LHFPL6: variants seen among roughly 807,000 people sequenced by gnomAD.
The protein encoded by LHFPL6 is LHFPL tetraspan subfamily member 6 protein.
In LHFPL6, 9 loss-of-function variants were observed where a neutral mutation model predicts 20.6. The ratio of observed to expected loss-of-function variants is 0.44; its 90% CI spans 0.26 to 0.76. The LOEUF is 0.76. Ranked by LOEUF, LHFPL6 falls within the 30% of genes least tolerant of loss-of-function variation. The probability of loss-of-function intolerance (pLI) is 0.20; values close to 1 mark genes in which losing one functional copy is unlikely to be tolerated. For synonymous variants in LHFPL6, 105 were observed against 98.7 expected, an observed-to-expected ratio of 1.06 and a Z score of -0.38; for missense variants, 218 against 253.5, an observed-to-expected ratio of 0.86 and a Z score of 0.95.
intron 2 of LHFPL6, among the ~76,000 whole-genome samples, chr13:39,589,158 G>A (rs1168520834): frequency 6.6e-6 from 1 of 152,100 alleles, no homozygotes; most frequent in East Asian, 1.9e-4. Flanking sequence ...CCAGGGTGGA[G>A]TGCAGTGGCG....
At chr13:39,601,420 T>C (rs1872943629) in intron 1 of LHFPL6, 30 bp from the exon 2 acceptor site, 1 of 477,462 alleles carries the variant, frequency 2.1e-6, no homozygotes, top group Non-Finnish European at 3.7e-6. Context: ...CATTAAAAAT[T>C]AAAGGCATTA....
At chr13:39,378,024 G>A (rs1479385285) in intron 3 of LHFPL6, among the ~76,000 whole-genome samples, 1 of 152,160 alleles carries the variant, frequency 6.6e-6, no homozygotes, top group Non-Finnish European at 1.5e-5. Context: ...TTAGACCAAC[G>A]ATGTGAAATT....
intron 2 of LHFPL6, among the ~76,000 whole-genome samples, chr13:39,446,969 G>T (rs1872308249): frequency 6.6e-6 from 1 of 152,168 alleles, no homozygotes; most frequent in African/African-American, 2.4e-5. Flanking sequence ...TCGACCTTAA[G>T]CTCTCTAGAG....
At chr13:39,471,799 G>T (rs534475166) in intron 2 of LHFPL6, among the ~76,000 whole-genome samples, 10 of 152,272 alleles carry the variant, frequency 6.6e-5, no homozygotes, top group African/African-American at 2.2e-4. Context: ...ATTTATTCTT[G>T]TAGGAAAAAG....
At chr13:39,436,468 T>C (rs1871960769) in intron 2 of LHFPL6, among the ~76,000 whole-genome samples, 2 of 152,234 alleles carry the variant, frequency 1.3e-5, no homozygotes, top group Admixed American at 1.3e-4. Context: ...GAAACATCTC[T>C]TCCTTTTTCA....
At chr13:39,597,177 C>T (rs955418215) in intron 2 of LHFPL6, among the ~76,000 whole-genome samples, 1 of 152,146 alleles carries the variant, frequency 6.6e-6, no homozygotes, top group Non-Finnish European at 1.5e-5. Context: ...ATATGACTAA[C>T]GATCAAACTA....
At chr13:39,359,859 T>C (rs930593359) in intron 3 of LHFPL6, among the ~76,000 whole-genome samples, 2 of 152,166 alleles carry the variant, frequency 1.3e-5, no homozygotes, top group African/African-American at 4.8e-5. Flanking sequence ...ACCTGTTCTG[T>C]TATTTATTAT....
chr13:39,587,336 T>A (rs764108870), intron 2 of LHFPL6, among the ~76,000 whole-genome samples: 1 of 152,122 alleles, frequency 6.6e-6, no homozygotes, highest in Non-Finnish European at 1.5e-5. Flanking sequence ...TTTGAGGACT[T>A]GATGTTCCCC....
chr13:39,599,885 A>C (rs1249041781), intron 2 of LHFPL6, among the ~76,000 whole-genome samples: 5 of 152,220 alleles, frequency 3.3e-5, no homozygotes, highest in African/African-American at 1.2e-4. Context: ...ACAGACCTTT[A>C]CTTTGTAATG....
intron 2 of LHFPL6, among the ~76,000 whole-genome samples, chr13:39,557,489 A>T (rs1353478707): frequency 3.3e-5 from 5 of 152,234 alleles, no homozygotes; most frequent in Non-Finnish European, 5.9e-5. Flanking sequence ...TTGGAACCCC[A>T]GTACACAGTC....
chr13:39,458,692 C>T, intron 2 of LHFPL6, among the ~76,000 whole-genome samples: 2 of 129,310 alleles, frequency 1.5e-5, no homozygotes, highest in South Asian at 2.5e-4. Flanking sequence ...AATACCCTGC[C>T]TAAAAAAAAA....
chr13:39,398,283 G>C (rs868195144), intron 2 of LHFPL6, among the ~76,000 whole-genome samples: 3 of 152,186 alleles, frequency 2.0e-5, no homozygotes, highest in African/African-American at 7.2e-5. Context: ...GGAACTTCCT[G>C]GATGTTACAT....
chr13:39,386,585 T>A (rs1870569080), intron 2 of LHFPL6, among the ~76,000 whole-genome samples: 1 of 152,186 alleles, frequency 6.6e-6, no homozygotes, highest in South Asian at 2.1e-4. Context: ...AGTCACACAC[T>A]CACCACCCAT....
chr13:39,574,289 T>C (rs1028064618), intron 2 of LHFPL6, among the ~76,000 whole-genome samples: 3 of 152,110 alleles, frequency 2.0e-5, no homozygotes, highest in East Asian at 1.9e-4. Flanking sequence ...AAGATCATCC[T>C]GGCTAACATG....
At chr13:39,479,030 T>TGG (rs1868403696) in intron 2 of LHFPL6, among the ~76,000 whole-genome samples, 1 of 127,906 alleles carries the variant, frequency 7.8e-6, no homozygotes, top group Admixed American at 8.0e-5. Flanking sequence ...CAATGGGAGA[T>TGG]AGATATAGAT....
At chr13:39,438,652 C>T (rs1438566521) in intron 2 of LHFPL6, among the ~76,000 whole-genome samples, 4 of 152,248 alleles carry the variant, frequency 2.6e-5, no homozygotes, top group Admixed American at 2.6e-4. Context: ...GGCCCAGGGC[C>T]TCACTGCCCT....
chr13:39,435,270 G>A (rs1417701520), intron 2 of LHFPL6, among the ~76,000 whole-genome samples: 3 of 152,054 alleles, frequency 2.0e-5, no homozygotes, highest in Non-Finnish European at 4.4e-5. Flanking sequence ...ACAAAGTATT[G>A]TTGTCCAGAC....
chr13:39,578,734 G>A (rs773808511), intron 2 of LHFPL6, among the ~76,000 whole-genome samples: 1 of 152,136 alleles, frequency 6.6e-6, no homozygotes. Flanking sequence ...ACAGTCGGGG[G>A]CCAGGGGAGC....
chr13:39,584,783 A>C (rs777662042), intron 2 of LHFPL6, among the ~76,000 whole-genome samples: 16 of 152,208 alleles, frequency 1.1e-4, no homozygotes, highest in Non-Finnish European at 1.3e-4. Context: ...TCCAACATAT[A>C]CCAAACTGCA....
Sources: allele counts gnomAD v4.1 joint callset (sites outside exome capture counted in the v4.1 genomes callset), GRCh38; gene constraint gnomAD v4.1.1; transcripts MANE v1.5; gene names NCBI Gene and HGNC (gene_info 2026-07-23, HGNC 2026-07-21).